NDST4: variants seen among roughly 807,000 people sequenced by gnomAD.
The protein encoded by NDST4 is N-heparan sulfate sulfotransferase 4.
NDST4 carries 63 observed loss-of-function variants against 100.8 expected under a neutral mutation model. That is an observed-to-expected ratio of 0.62 (90% CI 0.51 to 0.77). NDST4 has a LOEUF of 0.77. Among genes scored for constraint, NDST4 ranks in the 30% least tolerant of loss-of-function variants. NDST4 has a pLI of 0.00. For missense variants in NDST4, 943 were observed against 1,018.4 expected (o/e 0.93, Z 1.01); for synonymous variants, 377 against 361.8 (o/e 1.04, Z -0.48).
chr4:115,007,016 T>C (rs181595084), intron 2 of NDST4, among the ~76,000 whole-genome samples: 2 of 152,326 alleles, frequency 1.3e-5, no homozygotes, highest in East Asian at 1.9e-4. Context: ...ATTTACTCTA[T>C]GTACTTTACA....
At chr4:114,970,688 A>T in intron 3 of NDST4, 104 bp from the exon 4 acceptor site, 2 of 943,428 alleles carry the variant, frequency 2.1e-6, no homozygotes, top group Non-Finnish European at 3.1e-6. Context: ...TGATACATAT[A>T]TCCAATTCTG....
intron 2 of NDST4, among the ~76,000 whole-genome samples, chr4:115,032,621 T>C (rs1297783571): frequency 1.3e-5 from 2 of 152,140 alleles, no homozygotes; most frequent in Admixed American, 6.6e-5. Context: ...TATAATTAAA[T>C]AATAGAGTAA....
chr4:114,841,407 A>T (rs987632031), intron 10 of NDST4, among the ~76,000 whole-genome samples: 6 of 152,218 alleles, frequency 3.9e-5, no homozygotes, highest in African/African-American at 1.4e-4. Flanking sequence ...TGAAATGTGG[A>T]GCAGTGTGGG....
chr4:114,942,021 T>G (rs1725761786), intron 4 of NDST4, among the ~76,000 whole-genome samples: 1 of 152,180 alleles, frequency 6.6e-6, no homozygotes, highest in Non-Finnish European at 1.5e-5. Flanking sequence ...TCAATACTTA[T>G]CCAATAAAGC....
chr4:114,881,264 C>T (rs1724361054), intron 6 of NDST4, among the ~76,000 whole-genome samples: 1 of 151,894 alleles, frequency 6.6e-6, no homozygotes, highest in African/African-American at 2.4e-5. Context: ...ACTACTTGAA[C>T]AGTGACAATG....
chr4:114,874,243 A>T (rs1020400443), intron 6 of NDST4, among the ~76,000 whole-genome samples: 1 of 152,156 alleles, frequency 6.6e-6, no homozygotes, highest in South Asian at 2.1e-4. Context: ...GGGTATTAAT[A>T]TAGGCTTTTA....
intron 1 of NDST4, among the ~76,000 whole-genome samples, chr4:115,105,932 C>T (rs1202162387): frequency 6.6e-6 from 1 of 152,090 alleles, no homozygotes; most frequent in Non-Finnish European, 1.5e-5. Context: ...AACTGTTACT[C>T]ATATAGCATA....
At chr4:114,946,542 C>G (rs1039312204) in intron 4 of NDST4, among the ~76,000 whole-genome samples, 2 of 152,138 alleles carry the variant, frequency 1.3e-5, no homozygotes, top group Admixed American at 6.6e-5. Flanking sequence ...GCTATACAGA[C>G]TATTTGAGAA....
At chr4:114,919,042 CA>C (rs34933883) in intron 6 of NDST4, among the ~76,000 whole-genome samples, 1 of 151,848 alleles carries the variant, frequency 6.6e-6, no homozygotes, top group Non-Finnish European at 1.5e-5. Context: ...CTGTGTATGC[CA>C]AAACAAACAA....
intron 6 of NDST4, among the ~76,000 whole-genome samples, chr4:114,881,629 C>A (rs2126201400): frequency 6.6e-6 from 1 of 152,126 alleles, no homozygotes; most frequent in Admixed American, 6.6e-5. Flanking sequence ...AGCAGTACAC[C>A]AATGAGAAGC....
chr4:114,848,931 C>T (rs1298867902), intron 8 of NDST4, among the ~76,000 whole-genome samples: 1 of 152,160 alleles, frequency 6.6e-6, no homozygotes, highest in African/African-American at 2.4e-5. Flanking sequence ...AAGACCAGAG[C>T]ACCTTTCCAA....
intron 2 of NDST4, among the ~76,000 whole-genome samples, chr4:115,050,625 C>A (rs77707991): frequency 0.017 from 2,544 of 152,120 alleles, 79 homozygotes; most frequent in African/African-American, 0.058. Flanking sequence ...TCTTCAATAA[C>A]AAATACAGTG....
At chr4:114,887,831 T>A (rs541684749) in intron 6 of NDST4, among the ~76,000 whole-genome samples, 13 of 152,322 alleles carry the variant, frequency 8.5e-5, no homozygotes, top group South Asian at 8.3e-4. Context: ...TTTTCCACTT[T>A]GTTGTCACTA....
intron 1 of NDST4, among the ~76,000 whole-genome samples, chr4:115,090,539 T>C (rs1729496777): frequency 1.3e-5 from 2 of 152,048 alleles, no homozygotes; most frequent in African/African-American, 2.4e-5. Context: ...TTGTTAATTA[T>C]ATTTGATATT....
chr4:114,901,718 A>T (rs1724843233), intron 6 of NDST4, among the ~76,000 whole-genome samples: 1 of 151,306 alleles, frequency 6.6e-6, no homozygotes, highest in Admixed American at 6.6e-5. Context: ...TTTGTCTTTC[A>T]ATTTTTTTTT....
At chr4:114,993,506 A>T (rs1279405768) in intron 2 of NDST4, among the ~76,000 whole-genome samples, 2 of 151,976 alleles carry the variant, frequency 1.3e-5, no homozygotes, top group East Asian at 3.9e-4. Flanking sequence ...TTGGTATCAC[A>T]CTTCCCAATT....
At chr4:114,859,602 G>A (rs1368505658) in intron 7 of NDST4, among the ~76,000 whole-genome samples, 1 of 152,162 alleles carries the variant, frequency 6.6e-6, no homozygotes, top group Non-Finnish European at 1.5e-5. Context: ...CCCCCAGCTA[G>A]GGGATTGAGA....
At chr4:115,090,342 T>A (rs1025428314) in intron 1 of NDST4, among the ~76,000 whole-genome samples, 11 of 151,920 alleles carry the variant, frequency 7.2e-5, no homozygotes, top group Non-Finnish European at 2.9e-5. Flanking sequence ...TTTTATTTTT[T>A]AAAAATCCAA....
intron 2 of NDST4, among the ~76,000 whole-genome samples, chr4:115,054,713 A>T (rs1057350488): frequency 1.1e-4 from 16 of 152,184 alleles, no homozygotes; most frequent in African/African-American, 3.4e-4. Flanking sequence ...GCAGTCAGTG[A>T]TGCACTATGA....
Sources: gnomAD v4.1 joint callset for allele counts (sites outside exome capture counted in the v4.1 genomes callset) on GRCh38, gnomAD v4.1.1 for gene constraint, MANE v1.5 for transcripts, NCBI Gene and HGNC (gene_info 2026-07-23, HGNC 2026-07-21) for gene names.